Variants in GREM2 observed in about 807,000 individuals in gnomAD.
The protein encoded by GREM2 is gremlin 2, DAN family BMP antagonist.
In GREM2, 11 loss-of-function variants were observed where a neutral mutation model predicts 14.2. That is an observed-to-expected ratio of 0.78 (90% CI 0.49 to 1.28). The LOEUF (loss-of-function observed/expected upper bound fraction) is 1.28, where lower values mean the gene tolerates loss of function less well. Ranked by LOEUF, GREM2 falls within the 50% of genes most tolerant of loss-of-function variation. The pLI is 0.00. For missense variants in GREM2, 210 were observed against 218.5 expected, an observed-to-expected ratio of 0.96 and a Z score of 0.24; for synonymous variants, 98 against 97.6, an observed-to-expected ratio of 1.00 and a Z score of -0.02.
rs540151412 is a variant in GREM2 at position 240,510,183 on chromosome 1, C to A, written c.-1-16707G>T. Among the ~76,000 whole-genome samples, 243 of 151,982 alleles carry A rather than the reference C, an allele frequency of 1.6e-3. 2 individuals carry two copies. The highest frequency in any genetic ancestry group is 6.5e-4 in the Non-Finnish European group (44 of 67,968). Reference sequence around the variant, plus strand: ...AGGAGATTGGGACCATCCTGGCTAACACGGTGAAACCCCGTCTCCACTAAA... The same window carrying A: ...AGGAGATTGGGACCATCCTGGCTAAAACGGTGAAACCCCGTCTCCACTAAA... On this transcript the variant is annotated intron_variant, in intron 1 of 1. Coordinates refer to ENST00000318160, the MANE Select transcript of GREM2 (RefSeq NM_022469.4).
At chr1:240,576,499 G>A (rs1016871218) in intron 1 of GREM2, among the ~76,000 whole-genome samples, 3 of 152,010 alleles carry the variant, frequency 2.0e-5, no homozygotes, top group Non-Finnish European at 4.4e-5. Flanking sequence ...CTTTGGTTTG[G>A]TTTCGTTTCG....
chr1:240,521,384 C>T (rs1435440729), intron 1 of GREM2, among the ~76,000 whole-genome samples: 2 of 151,820 alleles, frequency 1.3e-5, no homozygotes, highest in Admixed American at 6.6e-5. Context: ...CTGGCTAACA[C>T]GGTGAAACCC....
chr1:240,576,101 A>G (rs1003901630), intron 1 of GREM2, among the ~76,000 whole-genome samples: 1 of 152,210 alleles, frequency 6.6e-6, no homozygotes, highest in African/African-American at 2.4e-5. Context: ...AAACAACCAC[A>G]TACCTTGTAG....
chr1:240,544,550 G>A (rs1049352943), intron 1 of GREM2, among the ~76,000 whole-genome samples: 1 of 152,154 alleles, frequency 6.6e-6, no homozygotes, highest in Non-Finnish European at 1.5e-5. Flanking sequence ...AGGAACAGGT[G>A]TATTCAAAAT....
chr1:240,524,765 A>G (rs1050581877), intron 1 of GREM2, among the ~76,000 whole-genome samples: 6 of 152,194 alleles, frequency 3.9e-5, no homozygotes, highest in Admixed American at 6.5e-5. Context: ...TTTCTTTTGC[A>G]CACTTTTTTC....
chr1:240,516,881 C>T (rs1225743219), intron 1 of GREM2, among the ~76,000 whole-genome samples: 2 of 152,064 alleles, frequency 1.3e-5, no homozygotes, highest in Non-Finnish European at 2.9e-5. Flanking sequence ...AGATGGGGGT[C>T]GGCCAGGCTG....
At chr1:240,508,166 T>C (rs1338435538) in intron 1 of GREM2, among the ~76,000 whole-genome samples, 1 of 152,210 alleles carries the variant, frequency 6.6e-6, no homozygotes, top group Non-Finnish European at 1.5e-5. Flanking sequence ...GGGTAGAGAC[T>C]AAGTCTGTTT....
At chr1:240,536,473 T>G (rs1294565874) in intron 1 of GREM2, among the ~76,000 whole-genome samples, 1 of 152,228 alleles carries the variant, frequency 6.6e-6, no homozygotes, top group African/African-American at 2.4e-5. Context: ...GCAGTTGCTA[T>G]TCATACCTGG....
chr1:240,510,057 A>G (rs1202972584), intron 1 of GREM2, among the ~76,000 whole-genome samples: 2 of 152,172 alleles, frequency 1.3e-5, no homozygotes, highest in Non-Finnish European at 2.9e-5. Flanking sequence ...ATTTATAAAA[A>G]TAATTATCGC....
chr1:240,600,223 G>A (rs1354740072), intron 1 of GREM2, among the ~76,000 whole-genome samples: 1 of 19,958 alleles, frequency 5.0e-5, no homozygotes, highest in Non-Finnish European at 9.0e-5. Context: ...TGTGTAAAAC[G>A]AGATTACGTG....
intron 1 of GREM2, among the ~76,000 whole-genome samples, chr1:240,516,978 T>C (rs1047385337): frequency 7.2e-5 from 11 of 152,172 alleles, no homozygotes; most frequent in African/African-American, 2.2e-4. Context: ...GTGAACACTT[T>C]AGGAAGTCTT....
At chr1:240,562,707 C>T (rs1679067876) in intron 1 of GREM2, among the ~76,000 whole-genome samples, 2 of 114,398 alleles carry the variant, frequency 1.7e-5, no homozygotes, top group Admixed American at 7.9e-5. Flanking sequence ...TACAGGATTG[C>T]CGTGTGTGTG....
At chr1:240,524,387 G>A (rs1213842004) in intron 1 of GREM2, among the ~76,000 whole-genome samples, 9 of 152,100 alleles carry the variant, frequency 5.9e-5, no homozygotes, top group Admixed American at 5.9e-4. Flanking sequence ...TTTAAATCTA[G>A]TTCATTGTCT....
At position 240,612,150 on chromosome 1, in the gene GREM2, A is replaced by C. The variant is rs1680153798; in HGVS notation, c.-268T>G. On this transcript the variant is annotated 5_prime_UTR_variant, in exon 1 of 2. Coordinates refer to ENST00000318160, the MANE Select transcript of GREM2 (RefSeq NM_022469.4). ...AGATGTGAAAGGAGCCCGGAGACTT[A>C]GCTCTGAATCCTCTCGGCGCTGCAT... is the stretch of plus-strand genomic sequence containing the variant. 6.6e-6 allele frequency: 1 copy of C among 152,430 alleles called. No individual in the cohort carries two copies. The highest frequency in any genetic ancestry group is 1.5e-5 in the Non-Finnish European group (1 of 68,080). The allele number at this position is 152,430 out of a possible 1,614,324, so 9.4% of individuals were successfully genotyped here.
intron 1 of GREM2, among the ~76,000 whole-genome samples, chr1:240,571,588 CAGGAGGCTG>C (rs749429270): frequency 6.0e-4 from 92 of 152,160 alleles, no homozygotes; most frequent in Non-Finnish European, 1.0e-3. Context: ...CCCAGCTACT[CAGGAGGCTG>C]AGGCAGGAGA....
chr1:240,606,266 A>G (rs192359667), intron 1 of GREM2, among the ~76,000 whole-genome samples: 80 of 152,230 alleles, frequency 5.3e-4, no homozygotes, highest in Non-Finnish European at 2.6e-4. Context: ...GGGGAGCTTG[A>G]AAGTTAGTGA....
intron 1 of GREM2, among the ~76,000 whole-genome samples, chr1:240,563,372 TTCTC>T (rs1219612857): frequency 3.3e-5 from 5 of 152,328 alleles, no homozygotes; most frequent in Admixed American, 1.3e-4. Context: ...GTGGATGGAC[TTCTC>T]TCTGTTTGTT....
intron 1 of GREM2, among the ~76,000 whole-genome samples, chr1:240,563,060 AGTGTGTATGTGTGTATATGTGAGTGT>A (rs1679098198): frequency 1.6e-5 from 2 of 126,626 alleles, no homozygotes; most frequent in African/African-American, 6.0e-5. Context: ...GTGTATAGTG[AGTGTGTATGTGTGTATATGTGAGTGT>A]GTGTATGCGT....
chr1:240,516,124 T>C (rs972296565), intron 1 of GREM2, among the ~76,000 whole-genome samples: 1 of 112,764 alleles, frequency 8.9e-6, no homozygotes, highest in Admixed American at 8.9e-5. Context: ...TCTCCAACCC[T>C]GACTTTTTTT....
Sources: allele counts gnomAD v4.1 joint callset (sites outside exome capture counted in the v4.1 genomes callset), GRCh38; gene constraint gnomAD v4.1.1; transcripts MANE v1.5; gene names NCBI Gene and HGNC (gene_info 2026-07-23, HGNC 2026-07-21).